Variants in FBXO15 observed in about 807,000 individuals in gnomAD.
FBXO15 encodes the protein F-box protein 15.
In FBXO15, 30 loss-of-function variants were observed where a neutral mutation model predicts 49.5. The ratio of observed to expected loss-of-function variants is 0.61; its 90% CI spans 0.45 to 0.82. FBXO15 has a LOEUF of 0.82. FBXO15 is among the 40% of genes least tolerant of loss of function. FBXO15 has a pLI of 0.00. For missense variants in FBXO15, 591 were observed against 631.5 expected, an observed-to-expected ratio of 0.94 and a Z score of 0.69; for synonymous variants, 250 against 232.7, an observed-to-expected ratio of 1.07 and a Z score of -0.68.
chr18:74,124,626 A>C, intron 6 of FBXO15, 55 bp from the exon 7 acceptor site: 2 of 1,470,460 alleles, frequency 1.4e-6, no homozygotes, highest in Non-Finnish European at 1.9e-6. Flanking sequence ...TACATTTTTC[A>C]CAAGATCATT....
rs199785734 is a variant in FBXO15, at chr18:74,139,246, TC to T, written c.227+955del. 3.8e-3 allele frequency among the ~76,000 whole-genome samples: 582 copies of T among 152,286 alleles called. 2 individuals are homozygous for T. Among genetic ancestry groups the T allele is most frequent in the African/African-American group, 0.013 (556 of 41,554 alleles). On this transcript the variant is annotated intron_variant, in intron 2 of 9. Transcript: ENST00000419743. Reference sequence around the variant, plus strand: ...CAGCTTACTGTATTTTAAATCTGCCTCCCCGACTAATCATCAGCTTCATGAG... The same window carrying T: ...CAGCTTACTGTATTTTAAATCTGCCTCCCGACTAATCATCAGCTTCATGAG...
At chr18:74,083,677 C>G (rs1320266681) in intron 8 of FBXO15, among the ~76,000 whole-genome samples, 2 of 152,164 alleles carry the variant, frequency 1.3e-5, no homozygotes, top group Non-Finnish European at 2.9e-5. Context: ...TTGTTATTAC[C>G]AGGTATTCTC....
intron 4 of FBXO15, 52 bp from the exon 5 acceptor site, chr18:74,129,666 ATGC>A: frequency 7.3e-7 from 1 of 1,377,194 alleles, no homozygotes; most frequent in Non-Finnish European, 1.0e-6. Context: ...AAAAAAAAAA[ATGC>A]TAAAGGCAAT....
At chr18:74,092,669 G>T (rs1913093681) in intron 8 of FBXO15, among the ~76,000 whole-genome samples, 2 of 152,120 alleles carry the variant, frequency 1.3e-5, no homozygotes, top group African/African-American at 4.8e-5. Flanking sequence ...AGCACCCCTA[G>T]GCTGCATGTT....
intron 3 of FBXO15, among the ~76,000 whole-genome samples, chr18:74,132,919 C>T (rs945352759): frequency 2.0e-5 from 3 of 152,218 alleles, no homozygotes; most frequent in Admixed American, 6.5e-5. Context: ...GGAGTAGCCC[C>T]GCTGCTGGGA....
chr18:74,120,734 C>A (rs1914432742), intron 8 of FBXO15, among the ~76,000 whole-genome samples: 1 of 151,910 alleles, frequency 6.6e-6, no homozygotes, highest in Non-Finnish European at 1.5e-5. Flanking sequence ...GTTCTCAAAT[C>A]AATAATTTCC....
chr18:74,145,594 C>CTTTTTTT lies in FBXO15; in HGVS notation c.116+2069_116+2075dup, dbSNP rs760823560. On this transcript the variant is annotated intron_variant, in intron 1 of 9. Coordinates refer to ENST00000419743, the MANE Select transcript of FBXO15 (RefSeq NM_001142958.2). ...TTATCCATAAAATAAACCAACTGCA[C>CTTTTTTT]TTTTTTTTTTTTTTTTTTTTTGCGA... 5.0e-3 allele frequency among the ~76,000 whole-genome samples: 482 copies of CTTTTTTT among 96,348 alleles called. 48 individuals are homozygous for CTTTTTTT. Among genetic ancestry groups the CTTTTTTT allele is most frequent in the African/African-American group, 0.016 (324 of 20,274 alleles). The allele number at this position is 96,348 out of a possible 152,430, so 63.2% of individuals were successfully genotyped here.
chr18:74,077,836 G>C (rs1184826915), intron 9 of FBXO15, among the ~76,000 whole-genome samples: 1 of 152,142 alleles, frequency 6.6e-6, no homozygotes. Context: ...AACACAGCAG[G>C]TGGGACTGCA....
chr18:74,130,530 C>T lies in FBXO15; in HGVS notation c.461G>A (p.Trp154Ter). The T allele has an allele frequency of 6.2e-7, 1 of 1,614,108 alleles. No homozygotes were observed. The highest frequency in any genetic ancestry group is 8.5e-7 in the Non-Finnish European group (1 of 1,180,014). ...TTGTTTTGTGATATATTCTTTCTTC[C>T]AATAACCAGCTTCTTTATCCTGAAC... is the stretch of plus-strand genomic sequence containing the variant. The part of the protein sequence containing the change: ...LSVQDKEAGY[W>*]KKEYITKQIA... The change falls in exon 4 of 10, where the codon TGG becomes TAG. Residue 154 changes from tryptophan to a stop codon, truncating the protein, a stop_gained. Coordinates refer to ENST00000419743, the MANE Select transcript of FBXO15 (RefSeq NM_001142958.2). LOFTEE classifies it high-confidence loss of function.
rs1348519503 is a variant in FBXO15, at chr18:74,126,098, G to A, written c.789C>T (p.Leu263=). The change falls in exon 6 of 10, where the codon CTC becomes CTT. Residue 263 remains leucine, a synonymous_variant. Transcript: ENST00000419743. ...ACTTTGCAATTAAAGAATGCCATCGGAGTCTTTGAACGTTATGCCAAGGAA... is the reference window on the plus strand; with the variant it reads ...ACTTTGCAATTAAAGAATGCCATCGAAGTCTTTGAACGTTATGCCAAGGAA... ...DWYKTPTKHR[L]RWHSLIAKYN... The A allele has an allele frequency of 6.2e-7, 1 of 1,613,506 alleles. No individual in the cohort carries two copies. The highest frequency in any genetic ancestry group is 8.5e-7 in the Non-Finnish European group (1 of 1,179,720).
intron 2 of FBXO15, among the ~76,000 whole-genome samples, chr18:74,137,905 A>G (rs1273643379): frequency 6.6e-6 from 1 of 152,170 alleles, no homozygotes; most frequent in Non-Finnish European, 1.5e-5. Context: ...CCTGCTTCAT[A>G]TTGTGGATCT....
chr18:74,147,600 G>A, intron 1 of FBXO15, 70 bp downstream of exon 1: 1 of 1,342,726 alleles, frequency 7.4e-7, no homozygotes, highest in Non-Finnish European at 9.5e-7. Context: ...AAAATACACG[G>A]TGAAGAGAGC....
At chr18:74,079,446 A>C (rs1404427384) in intron 9 of FBXO15, among the ~76,000 whole-genome samples, 1 of 152,210 alleles carries the variant, frequency 6.6e-6, no homozygotes, top group Non-Finnish European at 1.5e-5. Flanking sequence ...TCTGGAGATT[A>C]GACAGTAGTG....
chr18:74,077,851 G>A (rs928019366), intron 9 of FBXO15, among the ~76,000 whole-genome samples: 1 of 152,156 alleles, frequency 6.6e-6, no homozygotes, highest in East Asian at 1.9e-4. Context: ...ACTGCATGGT[G>A]CATCCATCTT....
chr18:74,095,675 T>C (rs1019544414), intron 8 of FBXO15, among the ~76,000 whole-genome samples: 10 of 152,174 alleles, frequency 6.6e-5, no homozygotes, highest in Non-Finnish European at 1.2e-4. Flanking sequence ...GTTTAAAACA[T>C]TGGGAATTAC....
chr18:74,116,796 T>C (rs1914252564), intron 8 of FBXO15, among the ~76,000 whole-genome samples: 1 of 152,166 alleles, frequency 6.6e-6, no homozygotes, highest in Non-Finnish European at 1.5e-5. Flanking sequence ...GTGTGGCCCA[T>C]GTCCTGCATT....
chr18:74,116,378 C>T (rs1328705944), intron 8 of FBXO15, among the ~76,000 whole-genome samples: 4 of 152,264 alleles, frequency 2.6e-5, no homozygotes, highest in Middle Eastern at 3.4e-3. Flanking sequence ...TTAGATGCTA[C>T]TTTGCAAGTT....
intron 8 of FBXO15, among the ~76,000 whole-genome samples, chr18:74,107,502 G>A (rs139179709): frequency 1.8e-3 from 268 of 152,264 alleles, no homozygotes; most frequent in African/African-American, 6.2e-3. Flanking sequence ...AAGTCACAGG[G>A]CAAACCACTG....
intron 8 of FBXO15, among the ~76,000 whole-genome samples, chr18:74,110,215 T>TA (rs1913962637): frequency 1.2e-5 from 1 of 86,712 alleles, no homozygotes; most frequent in African/African-American, 4.5e-5. Context: ...ATATATATGT[T>TA]TATGTATAAG....
Sources: gnomAD v4.1 joint callset for allele counts (sites outside exome capture counted in the v4.1 genomes callset) on GRCh38, gnomAD v4.1.1 for gene constraint, MANE v1.5 for transcripts, NCBI Gene and HGNC (gene_info 2026-07-23, HGNC 2026-07-21) for gene names.